ANO1: variants seen among roughly 807,000 people sequenced by gnomAD.
The protein encoded by ANO1 is anoctamin 1.
A neutral mutation model predicts 124.0 loss-of-function variants in ANO1; 59 were observed. That is an observed-to-expected ratio of 0.48 (90% CI 0.39 to 0.59). The LOEUF (loss-of-function observed/expected upper bound fraction) is 0.59, where lower values mean the gene tolerates loss of function less well. Ranked by LOEUF, ANO1 falls within the 20% of genes least tolerant of loss-of-function variation. The pLI is 0.00. For missense variants in ANO1, 1,059 were observed against 1,328.0 expected, an observed-to-expected ratio of 0.80 and a Z score of 3.15; for synonymous variants, 529 against 532.0, an observed-to-expected ratio of 0.99 and a Z score of 0.08.
intron 18 of ANO1, 54 bp from the exon 19 acceptor site, chr11:70,163,229 C>T: frequency 6.3e-7 from 1 of 1,587,236 alleles, no homozygotes; most frequent in Non-Finnish European, 8.6e-7. Flanking sequence ...GGGTCTCTCC[C>T]CGAGCTGAGC....
At chr11:70,059,299 T>A (rs1160147259) in intron 1 of ANO1, among the ~76,000 whole-genome samples, 1 of 132,412 alleles carries the variant, frequency 7.6e-6, no homozygotes, top group African/African-American at 2.9e-5. Flanking sequence ...TGTAGTGAGC[T>A]GAGATCATAC....
Position 70,013,881 on chromosome 11 carries a change from A to G in ANO1, c.58+27715A>G, listed in dbSNP as rs1297371111. ...TGAATGTGTTGTCTTACAGCTCTAA[A>G]GGCTGGAAGTCTGAGGTCAGGGCGC... On this transcript the variant is annotated intron_variant, in intron 1 of 27. Transcript: ENST00000531349. 5.4e-5 allele frequency among the ~76,000 whole-genome samples: 8 copies of G among 148,474 alleles called. 1 individual carries two copies. In the Admixed American group the frequency reaches 5.5e-4, roughly 10 times the overall value.
At chr11:70,008,324 C>G (rs1856530605) in intron 1 of ANO1, among the ~76,000 whole-genome samples, 2 of 152,172 alleles carry the variant, frequency 1.3e-5, no homozygotes, top group South Asian at 4.1e-4. Flanking sequence ...AATGCCAAGT[C>G]ATGTCATAAG....
chr11:70,116,388 C>A, intron 7 of ANO1, 70 bp from the exon 8 acceptor site: 3 of 1,436,476 alleles, frequency 2.1e-6, no homozygotes, highest in Non-Finnish European at 1.9e-6. Flanking sequence ...TGTTTTGAAA[C>A]ATAATGGATG....
intron 7 of ANO1, among the ~76,000 whole-genome samples, chr11:70,112,910 C>G (rs989916486): frequency 1.3e-5 from 2 of 152,148 alleles, no homozygotes; most frequent in Non-Finnish European, 2.9e-5. Context: ...ACTTGAGGTG[C>G]AGGGATCCCG....
At chr11:70,082,096 G>T (rs528181367) in intron 1 of ANO1, among the ~76,000 whole-genome samples, 1 of 152,346 alleles carries the variant, frequency 6.6e-6, no homozygotes, top group African/African-American at 2.4e-5. Flanking sequence ...CCAGTTGGGG[G>T]TTGTGGTGTT....
upstream of ANO1, among the ~76,000 whole-genome samples, chr11:70,073,416 C>A (rs4515996): frequency 0.71 from 107,835 of 152,120 alleles, 38,281 homozygotes; most frequent in African/African-American, 0.73. Flanking sequence ...TCACCCTAAC[C>A]GCGCGACTTA....
At chr11:70,096,015 T>G (rs1266383912) in intron 2 of ANO1, among the ~76,000 whole-genome samples, 1 of 152,250 alleles carries the variant, frequency 6.6e-6, no homozygotes, top group Non-Finnish European at 1.5e-5. Flanking sequence ...ATTACCCAGC[T>G]CATCCTTTGC....
chr11:70,179,436 C>T (rs919804681), intron 22 of ANO1, among the ~76,000 whole-genome samples: 1 of 152,088 alleles, frequency 6.6e-6, no homozygotes, highest in African/African-American at 2.4e-5. Flanking sequence ...TGGCCCTGGG[C>T]GCTGTGTTGT....
At position 70,028,803 on chromosome 11, in the gene ANO1, A is replaced by G. The variant is rs202091394; in HGVS notation, c.58+42637A>G. ...AGTTTCTGGTGTTTTGCTTTTTGAGATGAAATCTTGCTTTGTTGCCCGGGC... is the reference window on the plus strand; with the variant it reads ...AGTTTCTGGTGTTTTGCTTTTTGAGGTGAAATCTTGCTTTGTTGCCCGGGC... On this transcript the variant is annotated intron_variant, in intron 1 of 27. Transcript: ENST00000531349. Among the ~76,000 whole-genome samples the G allele has an allele frequency of 8.5e-5, 13 of 152,130 alleles. No homozygotes were observed. In the East Asian group the frequency reaches 2.5e-3, roughly 30 times the overall value.
intron 1 of ANO1, among the ~76,000 whole-genome samples, chr11:70,044,558 T>C (rs536901410): frequency 6.6e-6 from 1 of 152,132 alleles, no homozygotes; most frequent in South Asian, 2.1e-4. Context: ...AAATAAATAA[T>C]GAAGAAGGAA....
intron 18 of ANO1, 40 bp downstream of exon 18, chr11:70,161,773 C>T (rs951477236): frequency 1.3e-6 from 2 of 1,592,920 alleles, no homozygotes; most frequent in Middle Eastern, 1.7e-4. Flanking sequence ...TCGCTTCTCC[C>T]AGGTCCAGGA....
chr11:70,132,252 G>C (rs2515264), intron 11 of ANO1, among the ~76,000 whole-genome samples, 173 bp downstream of exon 11: 84,608 of 151,954 alleles, frequency 0.56, 23,728 homozygotes, highest in Non-Finnish European at 0.59. Context: ...TTACTGGGGT[G>C]CGCAGTGCAT....
At chr11:69,970,582 C>A in the ANO1 span, among the ~76,000 whole-genome samples, 1 of 152,188 alleles carries the variant, frequency 6.6e-6, no homozygotes, top group African/African-American at 2.4e-5. Context: ...GGGAAGGTCA[C>A]TCCCCTTCTC....
At chr11:70,050,709 G>A (rs1156229237) in intron 1 of ANO1, among the ~76,000 whole-genome samples, 1 of 152,140 alleles carries the variant, frequency 6.6e-6, no homozygotes, top group African/African-American at 2.4e-5. Flanking sequence ...TTCCCCTCAG[G>A]AGTAGTTAAA....
intron 1 of ANO1, among the ~76,000 whole-genome samples, chr11:70,027,610 T>C (rs1489542150): frequency 6.6e-6 from 1 of 152,216 alleles, no homozygotes; most frequent in Non-Finnish European, 1.5e-5. Context: ...TGGAACAGGA[T>C]CTCGCACACA....
At chr11:70,108,212 A>G in intron 5 of ANO1, 141 bp from the exon 6 acceptor site, 2 of 721,884 alleles carry the variant, frequency 2.8e-6, no homozygotes, top group Non-Finnish European at 4.5e-6. Flanking sequence ...AATAAATGCC[A>G]TTGTCTTTCC....
intron 1 of ANO1, among the ~76,000 whole-genome samples, chr11:70,024,470 C>T (rs1288581138): frequency 6.6e-6 from 1 of 152,170 alleles, no homozygotes; most frequent in East Asian, 1.9e-4. Flanking sequence ...AATAGCTCTT[C>T]TCAACGGAGC....
rs367787934 is a variant in ANO1 at position 70,161,635 on chromosome 11, G to A, written c.1794G>A (p.Thr598=). Residue 598 remains threonine, a synonymous_variant, in exon 18 of 26, where the codon ACG becomes ACA. Transcript: ENST00000355303. ...CCCTCCCTCTAGAGGTCCCAAAGAC[G>A]GAGAAAAGCTTTGAGGAGAGGCTGA... ...RWLTKIEVPK[T]EKSFEERLIF... is the part of the protein sequence containing the mutation. 2.5e-5 allele frequency: 40 copies of A among 1,613,980 alleles called. 1 individual carries two copies. The highest frequency in any genetic ancestry group is 2.4e-4 in the South Asian group (22 of 91,086).
Sources: gnomAD v4.1 joint callset for allele counts (sites outside exome capture counted in the v4.1 genomes callset) on GRCh38, gnomAD v4.1.1 for gene constraint, MANE v1.5 for transcripts, NCBI Gene and HGNC (gene_info 2026-07-23, HGNC 2026-07-21) for gene names.